Variants in SLC8A3 observed in about 807,000 individuals in gnomAD.
SLC8A3 encodes solute carrier family 8 member A3.
SLC8A3 carries 37 observed loss-of-function variants against 65.4 expected under a neutral mutation model. The ratio of observed to expected loss-of-function variants is 0.57; its 90% CI spans 0.44 to 0.74. The LOEUF (loss-of-function observed/expected upper bound fraction) is 0.74, where lower values mean the gene tolerates loss of function less well. Among genes scored for constraint, SLC8A3 ranks in the 30% least tolerant of loss-of-function variants. The pLI, the probability that SLC8A3 is intolerant of heterozygous loss-of-function variation, is 0.00. For missense variants in SLC8A3, 1,112 were observed against 1,172.1 expected, an observed-to-expected ratio of 0.95 and a Z score of 0.75; for synonymous variants, 461 against 444.5, an observed-to-expected ratio of 1.04 and a Z score of -0.47.
In SLC8A3 at chr14:70,168,372, C is replaced by A. The variant is rs751614848; in HGVS notation, c.51G>T (p.Gly17=). 6.2e-7 allele frequency: 1 copy of A among 1,614,144 alleles called. No homozygotes were observed. The highest frequency in any genetic ancestry group is 1.1e-5 in the South Asian group (1 of 91,070). The change falls in exon 2 of 7, where the codon GGG becomes GGT. Residue 17 remains glycine, a synonymous_variant. Coordinates refer to ENST00000356921, the MANE Select transcript of SLC8A3 (RefSeq NM_182932.3). ...QPLTSAFLHF[G]LVTFVLFLNG... The stretch of plus-strand genomic sequence containing the variant: ...TCAGGAAGAGCACAAAGGTAACCAG[C>A]CCAAAATGGAGGAAGGCAGAGGTGA...
chr14:70,167,300 C>T lies in SLC8A3; in HGVS notation c.1123G>A (p.Glu375Lys), dbSNP rs867504018. 6.2e-7 allele frequency: 1 copy of T among 1,614,190 alleles called. No individual in the cohort carries two copies. The highest frequency in any genetic ancestry group is 2.2e-5 in the East Asian group (1 of 44,884). The change falls in exon 2 of 7, where the codon GAA (glutamate) becomes AAA (lysine). Residue 375 changes from glutamate to lysine, a missense_variant. Physicochemically the swap from Glu to Lys is moderately conservative, Grantham distance 56 (BLOSUM62 1). Coordinates refer to ENST00000356921, the MANE Select transcript of SLC8A3 (RefSeq NM_182932.3). ...AGNILKKHAA[E>K]QAKKASSMSE... is the part of the protein sequence containing the mutation. ...ATGCTGGAGGCCTTCTTGGCTTGTT[C>T]TGCTGCATGTTTCTTCAGGATATTG... is the stretch of plus-strand genomic sequence containing the variant.
chr14:70,059,069 C>T (rs1888476370), intron 3 of SLC8A3: 1 of 152,160 alleles, frequency 6.6e-6, no homozygotes, highest in Admixed American at 6.5e-5. Context: ...TTCTTTCTTC[C>T]AGCACTTTTT....
chr14:70,108,179 A>T (rs1240949635), intron 2 of SLC8A3, among the ~76,000 whole-genome samples: 1 of 152,164 alleles, frequency 6.6e-6, no homozygotes, highest in Non-Finnish European at 1.5e-5. Flanking sequence ...TATTTCTGAG[A>T]TTCTCTTCCA....
chr14:70,104,057 T>A (rs916784523), intron 2 of SLC8A3, among the ~76,000 whole-genome samples: 2 of 151,978 alleles, frequency 1.3e-5, no homozygotes, highest in Non-Finnish European at 2.9e-5. Context: ...GCATAAATAA[T>A]AACGGAACCA....
At position 70,166,899 on chromosome 14, in the gene SLC8A3, C is replaced by A. The variant is rs766805348; in HGVS notation, c.1524G>T (p.Leu508Phe). Residue 508 changes from leucine (L) to phenylalanine (F), a missense_variant, in exon 2 of 7, where the codon TTG (leucine) becomes TTT (phenylalanine). Coordinates refer to ENST00000356921, the MANE Select transcript of SLC8A3 (RefSeq NM_182932.3). ...MPPAIFNSLP[L>F]PRAVLASPCV... is the part of the protein sequence containing the mutation. Reference sequence around the variant, plus strand: ...AAGGGGAGGCTAGGACAGCCCGAGGCAAGGGAAGACTGTTGAATATTGCTG... The same window carrying A: ...AAGGGGAGGCTAGGACAGCCCGAGGAAAGGGAAGACTGTTGAATATTGCTG... 3.1e-6 allele frequency: 5 copies of A among 1,614,038 alleles called. No individual in the cohort carries two copies. Among genetic ancestry groups the A allele is most frequent in the Non-Finnish European group, 4.2e-6 (5 of 1,180,020 alleles).
intron 2 of SLC8A3, among the ~76,000 whole-genome samples, chr14:70,068,851 C>T (rs1232535863): frequency 1.3e-5 from 2 of 152,084 alleles, no homozygotes; most frequent in Non-Finnish European, 2.9e-5. Flanking sequence ...CTCAGCCTAC[C>T]GAGTAGCTAA....
chr14:70,160,918 C>T (rs774385033), intron 2 of SLC8A3, among the ~76,000 whole-genome samples: 3 of 149,888 alleles, frequency 2.0e-5, no homozygotes. Flanking sequence ...TGGGGCCCTT[C>T]GGGACACAAT....
intron 2 of SLC8A3, among the ~76,000 whole-genome samples, chr14:70,158,743 A>C (rs1435284180): frequency 1.3e-5 from 2 of 152,202 alleles, no homozygotes; most frequent in Non-Finnish European, 2.9e-5. Flanking sequence ...TCAGAAAAAC[A>C]TATTTTTTCC....
chr14:70,133,025 C>T (rs1894952908), intron 2 of SLC8A3, among the ~76,000 whole-genome samples: 1 of 143,592 alleles, frequency 7.0e-6, no homozygotes, highest in Admixed American at 7.2e-5. Context: ...CCCAAAAACA[C>T]CCCCATAAAA....
At chr14:70,146,336 AG>A (rs1159844431) in intron 2 of SLC8A3, among the ~76,000 whole-genome samples, 1 of 152,138 alleles carries the variant, frequency 6.6e-6, no homozygotes, top group Non-Finnish European at 1.5e-5. Context: ...TGTCTTCAAA[AG>A]GCTCCTCCAC....
chr14:70,050,455 C>T (rs1281583555), intron 5 of SLC8A3, among the ~76,000 whole-genome samples: 2 of 152,106 alleles, frequency 1.3e-5, no homozygotes, highest in African/African-American at 4.8e-5. Flanking sequence ...AACCAGCAGT[C>T]CCCTCAGGCT....
chr14:70,086,457 A>G (rs1250524919), intron 2 of SLC8A3, among the ~76,000 whole-genome samples: 4 of 136,720 alleles, frequency 2.9e-5, no homozygotes, highest in Non-Finnish European at 4.6e-5. Context: ...GCTGGAGTGC[A>G]ATGGCACGAT....
chr14:70,057,585 A>G (rs953997686), intron 3 of SLC8A3, among the ~76,000 whole-genome samples: 1 of 152,196 alleles, frequency 6.6e-6, no homozygotes, highest in African/African-American at 2.4e-5. Flanking sequence ...CATTGTCTCC[A>G]TGAATCCAAG....
intron 3 of SLC8A3, among the ~76,000 whole-genome samples, chr14:70,054,108 G>C (rs1887806820): frequency 6.6e-6 from 1 of 152,142 alleles, no homozygotes; most frequent in Non-Finnish European, 1.5e-5. Context: ...GGCTGGGAGG[G>C]GAGAGAAAGA....
rs1893080053 is a variant in SLC8A3, at chr14:70,109,043, A to G, written c.1785-48104T>C. Reference sequence around the variant, plus strand: ...TTGATGTCTGTCTCAGCACTCTTTCATGTGTAGCACTTTTCACAAATTGTA... The same window carrying G: ...TTGATGTCTGTCTCAGCACTCTTTCGTGTGTAGCACTTTTCACAAATTGTA... On this transcript the variant is annotated intron_variant, in intron 2 of 6. Transcript: ENST00000356921. 1.3e-5 allele frequency among the ~76,000 whole-genome samples: 2 copies of G among 152,122 alleles called. 1 individual carries two copies. The highest frequency in any genetic ancestry group is 4.1e-4 in the South Asian group (2 of 4,836).
At chr14:70,050,857 A>C (rs1481500637) in intron 5 of SLC8A3, 151 bp downstream of exon 5, 1 of 575,600 alleles carries the variant, frequency 1.7e-6, no homozygotes. Context: ...ATACGCCATG[A>C]TTCTTTTCCA....
At chr14:70,182,221 C>T (rs554865358) in intron 1 of SLC8A3, among the ~76,000 whole-genome samples, 1 of 152,024 alleles carries the variant, frequency 6.6e-6, no homozygotes, top group African/African-American at 2.4e-5. Context: ...CTCCTAAGGA[C>T]AAAGATGATG....
At chr14:70,061,544 G>C (rs1176543386) in intron 2 of SLC8A3, among the ~76,000 whole-genome samples, 3 of 147,652 alleles carry the variant, frequency 2.0e-5, no homozygotes, top group African/African-American at 7.7e-5. Flanking sequence ...GAGAGAGAGA[G>C]AGAGAGAGTG....
At chr14:70,146,098 C>T (rs17765370) in intron 2 of SLC8A3, among the ~76,000 whole-genome samples, 16,080 of 152,236 alleles carry the variant, frequency 0.11, 1,161 homozygotes, top group Non-Finnish European at 0.16. Flanking sequence ...GGTTACAATC[C>T]TTCACCACAG....
Sources: allele counts gnomAD v4.1 joint callset (sites outside exome capture counted in the v4.1 genomes callset), GRCh38; gene constraint gnomAD v4.1.1; transcripts MANE v1.5; gene names NCBI Gene and HGNC (gene_info 2026-07-23, HGNC 2026-07-21).